CELF2: variants seen among roughly 807,000 people sequenced by gnomAD.
The protein encoded by CELF2 is CUG triplet repeat RNA-binding protein 2.
A neutral mutation model predicts 62.6 loss-of-function variants in CELF2; 8 were observed. The observed-to-expected ratio is 0.13, with a 90% confidence interval of 0.07 to 0.23. The LOEUF is 0.23. Among genes scored for constraint, CELF2 ranks in the 10% least tolerant of loss-of-function variants. CELF2 has a pLI of 1.00. For missense variants in CELF2, 333 were observed against 671.0 expected (o/e 0.50, Z 5.56); for synonymous variants, 258 against 250.0 (o/e 1.03, Z -0.30).
intron 2 of CELF2, among the ~76,000 whole-genome samples, chr10:11,185,415 C>T (rs2134190256): frequency 6.6e-6 from 1 of 152,216 alleles, no homozygotes; most frequent in Non-Finnish European, 1.5e-5. Flanking sequence ...GATCCCCCCG[C>T]TGCACCCACT....
chr10:10,981,300 G>A (rs572490428), intron 2 of CELF2, among the ~76,000 whole-genome samples: 9 of 152,264 alleles, frequency 5.9e-5, no homozygotes, highest in Admixed American at 2.0e-4. Flanking sequence ...TTACTAAACC[G>A]TACTCCCTGT....
the CELF2 span, among the ~76,000 whole-genome samples, chr10:10,655,039 A>G: frequency 2.0e-5 from 3 of 148,892 alleles, no homozygotes; most frequent in Non-Finnish European, 3.0e-5. Flanking sequence ...TACAAAATCA[A>G]TGTACAAAAA....
the CELF2 span, among the ~76,000 whole-genome samples, chr10:10,487,315 A>G: frequency 6.6e-6 from 1 of 152,234 alleles, no homozygotes; most frequent in Non-Finnish European, 1.5e-5. Context: ...TCAGAGCAGC[A>G]TGAAGGCTGG....
intron 1 of CELF2, among the ~76,000 whole-genome samples, chr10:10,818,566 T>C (rs1425693215): frequency 8.9e-5 from 9 of 100,802 alleles, no homozygotes; most frequent in Admixed American, 4.1e-4. Context: ...TTTTTTTTTT[T>C]CTTGAGACAG....
rs1306131669 is a variant in CELF2 at position 11,046,555 on chromosome 10, C to G, written c.74+28392C>G. Among the ~76,000 whole-genome samples the G allele has an allele frequency of 6.6e-6, 1 of 152,158 alleles. No homozygotes were observed. The highest frequency in any genetic ancestry group is 2.4e-5 in the African/African-American group (1 of 41,438). ...CTTTTATGTCTTGGGCATGTGGGCT[C>G]AGTGCTAATTTTCATGGCTTCTGTG... On this transcript the variant is annotated intron_variant, in intron 1 of 12. Transcript: ENST00000633077. The surrounding 1 kb of genome is among the most constrained non-coding windows in gnomAD (Gnocchi z 4.6).
chr10:10,858,752 A>G (rs1329620327), intron 1 of CELF2, among the ~76,000 whole-genome samples: 1 of 152,056 alleles, frequency 6.6e-6, no homozygotes, highest in East Asian at 1.9e-4. Flanking sequence ...GAATAGATGT[A>G]TTTCCTAAAA....
intron 8 of CELF2, among the ~76,000 whole-genome samples, chr10:11,286,204 C>T (rs2091258674): frequency 1.3e-5 from 2 of 152,310 alleles, no homozygotes; most frequent in African/African-American, 4.8e-5. Flanking sequence ...GCCAGGCCAT[C>T]AACACAGCTC....
intron 1 of CELF2, among the ~76,000 whole-genome samples, chr10:10,806,017 C>T (rs1305650524): frequency 6.6e-6 from 1 of 152,072 alleles, no homozygotes; most frequent in Non-Finnish European, 1.5e-5. Flanking sequence ...AGAGGACAGT[C>T]AGTTGAGAAG....
the CELF2 span, among the ~76,000 whole-genome samples, chr10:10,471,504 G>T: frequency 6.6e-6 from 1 of 151,492 alleles, no homozygotes; most frequent in Admixed American, 6.6e-5. Flanking sequence ...CTTTTCCTGA[G>T]TAGAATATTG....
intron 12 of CELF2, among the ~76,000 whole-genome samples, chr10:11,327,855 T>G (rs2095838254): frequency 1.3e-5 from 2 of 152,188 alleles, no homozygotes; most frequent in African/African-American, 2.4e-5. Flanking sequence ...TAAAGGAATT[T>G]TCTCTTTAGC....
the CELF2 span, among the ~76,000 whole-genome samples, chr10:10,653,871 G>A: frequency 1.1e-4 from 16 of 151,460 alleles, no homozygotes; most frequent in Non-Finnish European, 1.9e-4. Context: ...TAAAATCAGA[G>A]CAGAATTGAA....
At chr10:10,590,962 A>C in the CELF2 span, among the ~76,000 whole-genome samples, 1 of 152,228 alleles carries the variant, frequency 6.6e-6, no homozygotes, top group East Asian at 1.9e-4. Flanking sequence ...CTAAGCACAA[A>C]ATAAATGCAA....
At chr10:11,131,523 A>G (rs1282622988) in intron 1 of CELF2, among the ~76,000 whole-genome samples, 1 of 152,234 alleles carries the variant, frequency 6.6e-6, no homozygotes, top group Non-Finnish European at 1.5e-5. Context: ...AGGTCCAAAG[A>G]CACTAAAACA....
In CELF2 at chr10:11,098,705, T is replaced by A. The variant is rs949581392; in HGVS notation, c.75-66781T>A. On this transcript the variant is annotated intron_variant, in intron 1 of 12. Transcript: ENST00000633077. This position sits in a 1 kb window ranked among gnomAD's most constrained non-coding sequence, Gnocchi z 4.0. ...CTGTAGAAATAACAAAGGCCCTGGA[T>A]ACAGTAGAATGTCTGGCCTTACTTT... Among the ~76,000 whole-genome samples the A allele has an allele frequency of 2.0e-5, 3 of 152,218 alleles. No homozygotes were observed. The highest frequency in any genetic ancestry group is 7.2e-5 in the African/African-American group (3 of 41,440).
chr10:10,894,101 A>C (rs2062365121), intron 1 of CELF2, among the ~76,000 whole-genome samples: 1 of 151,976 alleles, frequency 6.6e-6, no homozygotes, highest in African/African-American at 2.4e-5. Context: ...TTTTAACCTG[A>C]TTCTTATGGG....
chr10:11,235,076 A>G (rs2070646684), intron 3 of CELF2, among the ~76,000 whole-genome samples: 1 of 152,230 alleles, frequency 6.6e-6, no homozygotes. Context: ...CAGAGTCAGC[A>G]TTCAAACTCA....
intron 2 of CELF2, among the ~76,000 whole-genome samples, chr10:10,980,997 TA>T (rs2052026776): frequency 6.6e-6 from 1 of 152,196 alleles, no homozygotes; most frequent in South Asian, 2.1e-4. Context: ...CTACACTTTT[TA>T]TAATGAAGGT....
At chr10:10,898,297 C>T (rs987113292) in intron 1 of CELF2, among the ~76,000 whole-genome samples, 17 of 152,220 alleles carry the variant, frequency 1.1e-4, no homozygotes, top group Admixed American at 3.9e-4. Context: ...TGGAACCTTT[C>T]GAGCTGATGC....
intron 12 of CELF2, among the ~76,000 whole-genome samples, chr10:11,327,988 T>C (rs982293596): frequency 1.3e-5 from 2 of 152,210 alleles, no homozygotes; most frequent in African/African-American, 4.8e-5. Context: ...TTTACAGCCT[T>C]GCTATACCTC....
Sources: allele counts gnomAD v4.1 joint callset (sites outside exome capture counted in the v4.1 genomes callset), GRCh38; gene constraint gnomAD v4.1.1; non-coding constraint Gnocchi (gnomAD v3.1); transcripts MANE v1.5; gene names NCBI Gene and HGNC (gene_info 2026-07-23, HGNC 2026-07-21).